ADAMTS2: variants seen among roughly 807,000 people sequenced by gnomAD.
ADAMTS2 encodes A disintegrin and metalloproteinase with thrombospondin motifs 2.
In ADAMTS2, 50 loss-of-function variants were observed where a neutral mutation model predicts 123.0. That is an observed-to-expected ratio of 0.41 (90% CI 0.32 to 0.51). ADAMTS2 has a LOEUF of 0.51. Among genes scored for constraint, ADAMTS2 ranks in the 20% least tolerant of loss-of-function variants. The pLI is 0.35. For synonymous variants in ADAMTS2, 678 were observed against 695.4 expected (o/e 0.98, Z 0.39); for missense variants, 1,494 against 1,705.2 (o/e 0.88, Z 2.18).
Position 179,132,973 on chromosome 5 carries a change from A to G in ADAMTS2, c.2086-73T>C. The G allele has an allele frequency of 6.4e-7, 1 of 1,564,966 alleles. No homozygotes were observed. The highest frequency in any genetic ancestry group is 1.8e-5 in the Admixed American group (1 of 54,162). On this transcript the variant is annotated intron_variant, in intron 13 of 21. Coordinates refer to ENST00000251582, the MANE Select transcript of ADAMTS2 (RefSeq NM_014244.5). The surrounding 1 kb of genome is among the most constrained non-coding windows in gnomAD (Gnocchi z 6.1). ...GTCAGGGTCATACTATGTTGCCCCC[A>G]GTCTCGAACACCTGGCCTCAAGCGA...
rs1488072367 is a variant in ADAMTS2 at position 179,132,746 on chromosome 5, G to A, written c.2209+31C>T. On this transcript the variant is annotated intron_variant, in intron 14 of 21. Coordinates refer to ENST00000251582, the MANE Select transcript of ADAMTS2 (RefSeq NM_014244.5). The surrounding 1 kb of genome is among the most constrained non-coding windows in gnomAD (Gnocchi z 6.1). ...GCATGAGCCTGCTGCAGGCATCCAGGCTCCAGGGTGGAGAGCAGGGACCCA... is the reference window on the plus strand; with the variant it reads ...GCATGAGCCTGCTGCAGGCATCCAGACTCCAGGGTGGAGAGCAGGGACCCA... The A allele has an allele frequency of 1.9e-6, 3 of 1,613,918 alleles. No homozygotes were observed. Among genetic ancestry groups the A allele is most frequent in the Non-Finnish European group, 2.5e-6 (3 of 1,179,932 alleles).
intron 2 of ADAMTS2, among the ~76,000 whole-genome samples, chr5:179,320,720 A>G (rs561860756): frequency 2.3e-4 from 35 of 152,330 alleles, no homozygotes; most frequent in African/African-American, 8.2e-4. Flanking sequence ...AGCCTAGGCC[A>G]GGTAGAATAC....
In ADAMTS2 at chr5:179,285,479, C is replaced by A. The variant is rs1755994329; in HGVS notation, c.535-12415G>T. On this transcript the variant is annotated intron_variant, in intron 2 of 21. Coordinates refer to ENST00000251582, the MANE Select transcript of ADAMTS2 (RefSeq NM_014244.5). The surrounding 1 kb of genome is among the most constrained non-coding windows in gnomAD (Gnocchi z 4.9). The stretch of plus-strand genomic sequence containing the variant: ...CACACTCAGCCCTCTGCAGCCAGCT[C>A]CCCCATCTCCATGGCTCCTGCACAC... 6.6e-6 allele frequency among the ~76,000 whole-genome samples: 1 copy of A among 152,162 alleles called. No individual in the cohort carries two copies. The highest frequency in any genetic ancestry group is 1.5e-5 in the Non-Finnish European group (1 of 68,024).
At chr5:179,266,478 G>A (rs1581231804) in intron 3 of ADAMTS2, among the ~76,000 whole-genome samples, 1 of 152,324 alleles carries the variant, frequency 6.6e-6, no homozygotes, top group South Asian at 2.1e-4. Flanking sequence ...ACAGCCCCCA[G>A]GAGCTGGGAG....
In ADAMTS2 at chr5:179,297,409, G is replaced by A. The variant is rs1376596980; in HGVS notation, c.535-24345C>T. Among the ~76,000 whole-genome samples, 6 of 151,968 alleles carry A rather than the reference G, an allele frequency of 3.9e-5. No homozygotes were observed. In the East Asian group the frequency reaches 1.2e-3, roughly 29 times the overall value. ...CACCTGCCTGGCAATGCAGAAACCT[G>A]AGATTGCTGCTTCTCGGCACCAAGA... On this transcript the variant is annotated intron_variant, in intron 2 of 21. Coordinates refer to ENST00000251582, the MANE Select transcript of ADAMTS2 (RefSeq NM_014244.5).
chr5:179,263,035 G>A lies in ADAMTS2; in HGVS notation c.688+9876C>T, dbSNP rs147178764. Among the ~76,000 whole-genome samples the A allele has an allele frequency of 1.8e-3, 276 of 151,056 alleles. 1 individual carries two copies. The highest frequency in any genetic ancestry group is 6.1e-3 in the African/African-American group (249 of 41,000). Reference sequence around the variant, plus strand: ...GTATTATTCCCCCATGATTTGGGGAGCAGTATTATTCCCCCATGATTTGGG... The same window carrying A: ...GTATTATTCCCCCATGATTTGGGGAACAGTATTATTCCCCCATGATTTGGG... On this transcript the variant is annotated intron_variant, in intron 3 of 21. Coordinates refer to ENST00000251582, the MANE Select transcript of ADAMTS2 (RefSeq NM_014244.5).
At chr5:179,235,579 G>A (rs1765504812) in intron 3 of ADAMTS2, among the ~76,000 whole-genome samples, 1 of 152,194 alleles carries the variant, frequency 6.6e-6, no homozygotes, top group South Asian at 2.1e-4. Flanking sequence ...ACTCTCATAG[G>A]AGAGGGCCTT....
At chr5:179,250,898 G>T (rs555484285) in intron 3 of ADAMTS2, among the ~76,000 whole-genome samples, 83 of 152,178 alleles carry the variant, frequency 5.5e-4, no homozygotes, top group Non-Finnish European at 1.0e-3. Flanking sequence ...CATCCTGCCC[G>T]CACATTGCTT....
chr5:179,127,145 G>A (rs563921853), intron 17 of ADAMTS2, among the ~76,000 whole-genome samples: 1 of 152,346 alleles, frequency 6.6e-6, no homozygotes, highest in South Asian at 2.1e-4. Context: ...ACAAGGGCCA[G>A]TCCAGAGGAA....
intron 7 of ADAMTS2, 92 bp downstream of exon 7, chr5:179,154,722 G>T: frequency 2.8e-6 from 3 of 1,073,810 alleles, no homozygotes; most frequent in Non-Finnish European, 2.8e-6. Flanking sequence ...CACAGGGCGT[G>T]TCCCTCTTAA....
At chr5:179,131,079 G>A (rs936606840) in intron 15 of ADAMTS2, among the ~76,000 whole-genome samples, 5 of 151,956 alleles carry the variant, frequency 3.3e-5, no homozygotes, top group East Asian at 1.9e-4. Context: ...TTGGGAGGCC[G>A]AGGCAGGCGG....
rs1321017040 is a variant in ADAMTS2, at chr5:179,197,703, T to G, written c.891+9810A>C. 4.6e-5 allele frequency among the ~76,000 whole-genome samples: 7 copies of G among 152,124 alleles called. No homozygotes were observed. The highest frequency in any genetic ancestry group is 1.7e-4 in the African/African-American group (7 of 41,422). On this transcript the variant is annotated intron_variant, in intron 4 of 21. Coordinates refer to ENST00000251582, the MANE Select transcript of ADAMTS2 (RefSeq NM_014244.5). This position sits in a 1 kb window ranked among gnomAD's most constrained non-coding sequence, Gnocchi z 4.2. ...GCCTGGGTGACTGAGTGAGACCCTG[T>G]CTCAAAAAAGAAAAAAATGCATATA...
intron 2 of ADAMTS2, among the ~76,000 whole-genome samples, chr5:179,321,019 C>A (rs1757156231): frequency 6.6e-6 from 1 of 152,178 alleles, no homozygotes; most frequent in African/African-American, 2.4e-5. Context: ...TCCAGCCACA[C>A]CTGAAGCTAG....
intron 3 of ADAMTS2, among the ~76,000 whole-genome samples, chr5:179,224,416 C>T (rs1291505133): frequency 2.0e-5 from 3 of 152,188 alleles, no homozygotes; most frequent in Non-Finnish European, 2.9e-5. Flanking sequence ...TCCCGATGCC[C>T]CATCTCTCTG....
At chr5:179,165,522 G>C (rs184874548) in intron 5 of ADAMTS2, among the ~76,000 whole-genome samples, 7 of 152,152 alleles carry the variant, frequency 4.6e-5, no homozygotes, top group Non-Finnish European at 8.8e-5. Flanking sequence ...CTGTGCTGAG[G>C]GGGGGACCAG....
In ADAMTS2 at chr5:179,163,000, C is replaced by T. The variant is rs1289516476; in HGVS notation, c.976-4121G>A. Among the ~76,000 whole-genome samples the T allele has an allele frequency of 6.6e-6, 1 of 152,176 alleles. No homozygotes were observed. Among genetic ancestry groups the T allele is most frequent in the Non-Finnish European group, 1.5e-5 (1 of 68,040 alleles). ...AGTGGGAGAAGGGCCCTGGCCAAGT[C>T]TTTGAGGAGGAGTCAAGAGTCCAGC... On this transcript the variant is annotated intron_variant, in intron 5 of 21. Coordinates refer to ENST00000251582, the MANE Select transcript of ADAMTS2 (RefSeq NM_014244.5). This position sits in a 1 kb window ranked among gnomAD's most constrained non-coding sequence, Gnocchi z 5.1.
Position 179,113,561 on chromosome 5 carries a change from G to A in ADAMTS2, c.*306C>T, listed in dbSNP as rs537709371. The A allele has an allele frequency of 7.4e-6, 3 of 407,796 alleles. No homozygotes were observed. Among genetic ancestry groups the A allele is most frequent in the African/African-American group, 6.0e-5 (3 of 49,948 alleles). The allele number at this position is 407,796 out of a possible 1,614,324, so 25.3% of individuals were successfully genotyped here. Reference sequence around the variant, plus strand: ...GCTTAGCAACTTGGGGCCTATTTTTGTTCTCTCAGAGTGATCCCTCTTGCC... The same window carrying A: ...GCTTAGCAACTTGGGGCCTATTTTTATTCTCTCAGAGTGATCCCTCTTGCC... On this transcript the variant is annotated 3_prime_UTR_variant, in exon 22 of 22. Coordinates refer to ENST00000251582, the MANE Select transcript of ADAMTS2 (RefSeq NM_014244.5).
At position 179,113,499 on chromosome 5, in the gene ADAMTS2, T is replaced by C. The variant is rs1239894264; in HGVS notation, c.*368A>G. ...GTCTGGGGATCGGTAGGGAATGTCATGCATCTCCGCCAAGGAAAGGAAGGT... is the reference window on the plus strand; with the variant it reads ...GTCTGGGGATCGGTAGGGAATGTCACGCATCTCCGCCAAGGAAAGGAAGGT... On this transcript the variant is annotated 3_prime_UTR_variant, in exon 22 of 22. Coordinates refer to ENST00000251582, the MANE Select transcript of ADAMTS2 (RefSeq NM_014244.5). 13 of 313,228 alleles carry C rather than the reference T, an allele frequency of 4.2e-5. No individual in the cohort carries two copies. Among genetic ancestry groups the C allele is most frequent in the Non-Finnish European group, 7.9e-5 (13 of 164,646 alleles). 19.4% of individuals were successfully genotyped at this position (313,228 alleles called of 1,614,324 possible).
At chr5:179,273,197 G>A (rs1766595017) in intron 2 of ADAMTS2, 133 bp from the exon 3 acceptor site, 4 of 1,400,992 alleles carry the variant, frequency 2.9e-6, no homozygotes, top group Non-Finnish European at 4.0e-6. Context: ...TGCTCAGCTT[G>A]AACCCTGGGC....
Sources: gnomAD v4.1 joint callset for allele counts (sites outside exome capture counted in the v4.1 genomes callset) on GRCh38, gnomAD v4.1.1 for gene constraint, Gnocchi (gnomAD v3.1) non-coding constraint, MANE v1.5 for transcripts, NCBI Gene and HGNC (gene_info 2026-07-23, HGNC 2026-07-21) for gene names.